The following NPAS2 variants were observed in gnomAD, a reference collection of about 807,000 sequenced individuals.
NPAS2 encodes the protein neuronal PAS domain-containing protein 2.
In NPAS2, 23 loss-of-function variants were observed where a neutral mutation model predicts 107.5. That is an observed-to-expected ratio of 0.21 (90% CI 0.15 to 0.30). NPAS2 has a LOEUF of 0.30. Ranked by LOEUF, NPAS2 falls within the 10% of genes least tolerant of loss-of-function variation. The pLI, the probability that NPAS2 is intolerant of heterozygous loss-of-function variation, is 1.00. For missense variants in NPAS2, 756 were observed against 1,043.3 expected (o/e 0.72, Z 3.79); for synonymous variants, 403 against 417.5 (o/e 0.97, Z 0.42).
intron 15 of NPAS2, among the ~76,000 whole-genome samples, chr2:100,978,145 T>C (rs1005251831): frequency 6.6e-6 from 1 of 152,186 alleles, no homozygotes; most frequent in South Asian, 2.1e-4. Flanking sequence ...TAGTCCTTTA[T>C]GCCTCACATC....
chr2:100,946,217 CA>C, intron 5 of NPAS2, among the ~76,000 whole-genome samples: 1 of 152,278 alleles, frequency 6.6e-6, no homozygotes, highest in East Asian at 1.9e-4. Context: ...CCTCACCTTG[CA>C]GCTGAGGAAA....
chr2:100,922,893 T>C (rs1421517531), intron 2 of NPAS2, among the ~76,000 whole-genome samples: 1 of 152,150 alleles, frequency 6.6e-6, no homozygotes, highest in East Asian at 1.9e-4. Flanking sequence ...ATTACACCCA[T>C]TGAAGACGAG....
At chr2:100,973,876 A>G (rs1416329892) in intron 12 of NPAS2, among the ~76,000 whole-genome samples, 1 of 152,100 alleles carries the variant, frequency 6.6e-6, no homozygotes, top group African/African-American at 2.4e-5. Context: ...GAGTCTCACT[A>G]TGTTGCCCAG....
intron 1 of NPAS2, among the ~76,000 whole-genome samples, chr2:100,874,848 C>T (rs1176603443): frequency 1.3e-5 from 2 of 152,182 alleles, no homozygotes; most frequent in Admixed American, 1.3e-4. Context: ...GGGCCGTTTC[C>T]TCCAGGCTGT....
At chr2:100,925,407 T>A in intron 3 of NPAS2, 113 bp downstream of exon 3, 1 of 1,179,736 alleles carries the variant, frequency 8.5e-7, no homozygotes, top group Non-Finnish European at 1.2e-6. Flanking sequence ...GGCCCAGCCT[T>A]ACCGGTCGAG....
chr2:100,904,848 G>T (rs988781461), intron 2 of NPAS2, 62 bp downstream of exon 2: 38 of 1,237,346 alleles, frequency 3.1e-5, no homozygotes, highest in African/African-American at 4.6e-5. Context: ...CTGCCTGGCA[G>T]AATCTCGCTG....
At position 100,852,328 on chromosome 2, in the gene NPAS2, C is replaced by T. The variant is rs371307680; in HGVS notation, c.-23+31914C>T. On this transcript the variant is annotated intron_variant, in intron 1 of 20. Transcript: ENST00000335681. Reference sequence around the variant, plus strand: ...AGGAGAATGGCGTGAACCCGGGAGGCAGAGCTTGCAGTGAGCTGAGATCGC... The same window carrying T: ...AGGAGAATGGCGTGAACCCGGGAGGTAGAGCTTGCAGTGAGCTGAGATCGC... Among the ~76,000 whole-genome samples, 68 of 152,144 alleles carry T rather than the reference C, an allele frequency of 4.5e-4. 2 individuals carry two copies. The East Asian group carries it at 9.3e-3, about 21-fold the overall frequency.
chr2:100,892,405 G>A (rs1351376385), intron 1 of NPAS2, among the ~76,000 whole-genome samples: 3 of 152,060 alleles, frequency 2.0e-5, no homozygotes, highest in Non-Finnish European at 4.4e-5. Flanking sequence ...GTAACAGGCA[G>A]ATAAAGCTTC....
intron 8 of NPAS2, 33 bp downstream of exon 8, chr2:100,964,209 G>A (rs1411101119): frequency 7.4e-7 from 1 of 1,347,466 alleles, no homozygotes; most frequent in East Asian, 2.3e-5. Flanking sequence ...ATTGTGCGGA[G>A]CTGTTATGAT....
At chr2:100,982,494 C>T (rs1278177976) in intron 16 of NPAS2, 117 bp downstream of exon 16, 1 of 1,217,616 alleles carries the variant, frequency 8.2e-7, no homozygotes, top group Non-Finnish European at 1.1e-6. Flanking sequence ...TGCCAAGCCC[C>T]ATTTGCTTAT....
At chr2:100,927,785 C>A (rs1397299353) in intron 3 of NPAS2, among the ~76,000 whole-genome samples, 1 of 152,216 alleles carries the variant, frequency 6.6e-6, no homozygotes, top group Non-Finnish European at 1.5e-5. Flanking sequence ...CTCCTTCAAA[C>A]ACTTTTACCT....
chr2:100,927,934 TA>T (rs1479316214), intron 3 of NPAS2, among the ~76,000 whole-genome samples: 1 of 152,142 alleles, frequency 6.6e-6, no homozygotes, highest in African/African-American at 2.4e-5. Context: ...CCAAACATAA[TA>T]AGTCAGAAAT....
At chr2:100,877,884 C>T in intron 1 of NPAS2, 1 of 792,378 alleles carries the variant, frequency 1.3e-6, no homozygotes. Flanking sequence ...CAAGGACCTT[C>T]TCTTGTACAA....
At chr2:100,935,467 T>A (rs1684244970) in intron 4 of NPAS2, among the ~76,000 whole-genome samples, 1 of 152,204 alleles carries the variant, frequency 6.6e-6, no homozygotes, top group African/African-American at 2.4e-5. Context: ...TGCTGTTGAA[T>A]CCCTTTCAGA....
intron 1 of NPAS2, among the ~76,000 whole-genome samples, chr2:100,862,187 G>A (rs1404896837): frequency 6.6e-6 from 1 of 152,196 alleles, no homozygotes; most frequent in Non-Finnish European, 1.5e-5. Context: ...GAAAGCTGTA[G>A]TCAGAGCTAC....
At chr2:100,847,169 TG>T (rs2104451854) in intron 1 of NPAS2, 1 of 152,326 alleles carries the variant, frequency 6.6e-6, no homozygotes, top group African/African-American at 2.4e-5. Flanking sequence ...AAGCCAAATT[TG>T]AGAAAAGACA....
intron 3 of NPAS2, among the ~76,000 whole-genome samples, chr2:100,926,202 A>G (rs756318474): frequency 3.9e-5 from 6 of 152,118 alleles, no homozygotes; most frequent in Non-Finnish European, 7.4e-5. Flanking sequence ...TGGGTTGTTT[A>G]CAATTTTTGG....
At chr2:100,936,060 A>C (rs1684279230) in intron 4 of NPAS2, among the ~76,000 whole-genome samples, 1 of 152,214 alleles carries the variant, frequency 6.6e-6, no homozygotes, top group Admixed American at 6.5e-5. Flanking sequence ...ATGTCATCCA[A>C]GAGGACGAGG....
At chr2:100,994,917 C>T (rs751500244) in intron 20 of NPAS2, 2 of 154,996 alleles carry the variant, frequency 1.3e-5, no homozygotes, top group Non-Finnish European at 2.9e-5. Context: ...TCAGTCAAAG[C>T]TTCTAAACTT....
Sources: gnomAD v4.1 joint callset for allele counts (sites outside exome capture counted in the v4.1 genomes callset) on GRCh38, gnomAD v4.1.1 for gene constraint, MANE v1.5 for transcripts, NCBI Gene and HGNC (gene_info 2026-07-23, HGNC 2026-07-21) for gene names.